The following JAK2 variants were observed in gnomAD, a reference collection of about 807,000 sequenced individuals.
The protein encoded by JAK2 is Janus kinase 2.
A neutral mutation model predicts 139.3 loss-of-function variants in JAK2; 86 were observed. The ratio of observed to expected loss-of-function variants is 0.62; its 90% CI spans 0.52 to 0.74. The LOEUF is 0.74. Ranked by LOEUF, JAK2 falls within the 30% of genes least tolerant of loss-of-function variation. JAK2 has a pLI of 0.00. For missense variants in JAK2, 1,421 were observed against 1,360.3 expected, an observed-to-expected ratio of 1.04 and a Z score of -0.70; for synonymous variants, 490 against 437.7, an observed-to-expected ratio of 1.12 and a Z score of -1.49.
intron 18 of JAK2, 151 bp downstream of exon 18, chr9:5,080,834 A>G: frequency 2.1e-6 from 1 of 468,306 alleles, no homozygotes; most frequent in Admixed American, 3.6e-5. Context: ...TTCATGCTTT[A>G]TACATATTCT....
intron 22 of JAK2, chr9:5,111,399 G>T: frequency 1.7e-5 from 7 of 403,472 alleles, no homozygotes; most frequent in Non-Finnish European, 3.3e-5. Context: ...GAGGCGGACA[G>T]CGGCCTGGAC....
intron 22 of JAK2, among the ~76,000 whole-genome samples, chr9:5,103,203 T>C (rs981662001): frequency 2.5e-3 from 134 of 53,558 alleles, no homozygotes; most frequent in African/African-American, 8.7e-3. Context: ...GAGGAAGATC[T>C]ACCAAGCAAA....
Position 5,054,431 on chromosome 9 carries a change from AC to A in JAK2, c.615-131del, listed in dbSNP as rs1817624743. On this transcript the variant is annotated intron_variant, in intron 6 of 24. Transcript: ENST00000381652. This position sits in a 1 kb window ranked among gnomAD's most constrained non-coding sequence, Gnocchi z 4.9. ...GTATGGATGGGGGTTATGTCAACTT[AC>A]GCCACTTGGCCACTGTGTTGTAAGG... 1 of 668,766 alleles carries A rather than the reference AC, an allele frequency of 1.5e-6. No individual in the cohort carries two copies. Among genetic ancestry groups the A allele is most frequent in the Non-Finnish European group, 2.6e-6 (1 of 388,180 alleles). 41.4% of individuals were successfully genotyped at this position (668,766 alleles called of 1,614,324 possible).
intron 4 of JAK2, among the ~76,000 whole-genome samples, chr9:5,038,107 G>T (rs1816201717): frequency 6.6e-6 from 1 of 152,016 alleles, no homozygotes; most frequent in Admixed American, 6.6e-5. Context: ...TTAATGATTT[G>T]TTCTTCTTTT....
intron 2 of JAK2, among the ~76,000 whole-genome samples, chr9:4,988,761 C>T (rs7849191): frequency 0.5 from 75,532 of 151,964 alleles, 21,050 homozygotes; most frequent in African/African-American, 0.77. Flanking sequence ...TCTGCTTCTA[C>T]TTCTGTTCAT....
At chr9:5,035,597 G>A (rs1237175710) in intron 4 of JAK2, among the ~76,000 whole-genome samples, 4 of 152,104 alleles carry the variant, frequency 2.6e-5, no homozygotes, top group African/African-American at 4.8e-5. Flanking sequence ...ATCAATAAAC[G>A]TAATCCAGCA....
At chr9:5,109,777 A>T (rs1411812496) in intron 22 of JAK2, 1 of 152,212 alleles carries the variant, frequency 6.6e-6, no homozygotes, top group Non-Finnish European at 1.5e-5. Context: ...TACCTGTAGA[A>T]TTCTCAATAT....
chr9:5,102,188 G>A (rs182765910), intron 22 of JAK2, among the ~76,000 whole-genome samples: 290 of 152,250 alleles, frequency 1.9e-3, no homozygotes, highest in Non-Finnish European at 1.6e-3. Context: ...GTGTAGAGAA[G>A]ACCTTAAATG....
At chr9:5,044,351 G>T (rs957581090) in intron 4 of JAK2, 52 bp from the exon 5 acceptor site, 3 of 1,109,974 alleles carry the variant, frequency 2.7e-6, no homozygotes, top group South Asian at 2.5e-5. Context: ...TAGATAGTAC[G>T]TTTGTATTTG....
chr9:5,040,278 C>A (rs1005170155), intron 4 of JAK2, among the ~76,000 whole-genome samples: 2 of 150,124 alleles, frequency 1.3e-5, no homozygotes, highest in African/African-American at 5.0e-5. Context: ...AGACAATCTA[C>A]TTCACACTAT....
At position 5,078,299 on chromosome 9, in the gene JAK2, C is replaced by G. The variant is rs2130589453; in HGVS notation, c.1993-7C>G. On this transcript the variant is annotated splice_region_variant and splice_polypyrimidine_tract_variant and intron_variant, in intron 15 of 24. Coordinates refer to ENST00000381652, the MANE Select transcript of JAK2 (RefSeq NM_004972.4). Reference sequence around the variant, plus strand: ...TATTTGAATATATGTGCGTTTAACTCTAATAGGAAGAAAACACCCTTATTC... The same window carrying G: ...TATTTGAATATATGTGCGTTTAACTGTAATAGGAAGAAAACACCCTTATTC... The G allele has an allele frequency of 6.2e-7, 1 of 1,608,944 alleles. No homozygotes were observed. Among genetic ancestry groups the G allele is most frequent in the Non-Finnish European group, 8.5e-7 (1 of 1,176,636 alleles).
chr9:5,109,912 T>A (rs1822302916), intron 22 of JAK2: 1 of 152,190 alleles, frequency 6.6e-6, no homozygotes, highest in African/African-American at 2.4e-5. Context: ...ATAGGAATCA[T>A]GTCTTTCTTA....
At chr9:4,995,515 T>C (rs1284280174) in intron 2 of JAK2, among the ~76,000 whole-genome samples, 3 of 152,354 alleles carry the variant, frequency 2.0e-5, no homozygotes, top group Non-Finnish European at 4.4e-5. Context: ...AGATAATCCT[T>C]CTTTTCTCTG....
Position 5,089,799 on chromosome 9 carries a change from T to A in JAK2, c.2697T>A (p.Ile899=), listed in dbSNP as rs1563993598. 1 of 1,597,220 alleles carries A rather than the reference T, an allele frequency of 6.3e-7. No homozygotes were observed. Among genetic ancestry groups the A allele is most frequent in the Admixed American group, 1.7e-5 (1 of 57,772 alleles). The change falls in exon 20 of 25, where the codon ATT becomes ATA. Residue 899 remains isoleucine, a synonymous_variant. Transcript: ENST00000381652. ...EEHLRDFERE[I]EILKSLQHDN... ...ACCTAAGAGACTTTGAAAGGGAAATTGAAATCCTGAAATCCCTACAGCATG... is the reference window on the plus strand; with the variant it reads ...ACCTAAGAGACTTTGAAAGGGAAATAGAAATCCTGAAATCCCTACAGCATG...
chr9:4,997,719 A>G (rs1212398221), intron 2 of JAK2, among the ~76,000 whole-genome samples: 2 of 152,226 alleles, frequency 1.3e-5, no homozygotes, highest in Non-Finnish European at 2.9e-5. Context: ...AAGGTTTGAT[A>G]TGGAAAGATT....
chr9:5,091,332 A>G (rs1453136021), intron 22 of JAK2: 1 of 153,772 alleles, frequency 6.5e-6, no homozygotes, highest in Non-Finnish European at 1.5e-5. Flanking sequence ...AGTATCCTGA[A>G]ACATGAGGGC....
chr9:5,010,664 A>G (rs1485434103), intron 2 of JAK2, among the ~76,000 whole-genome samples: 1 of 152,198 alleles, frequency 6.6e-6, no homozygotes, highest in African/African-American at 2.4e-5. Flanking sequence ...GAAGAATAAT[A>G]TTATAATTAA....
intron 2 of JAK2, among the ~76,000 whole-genome samples, chr9:5,007,725 C>CT (rs113969875): frequency 9.4e-4 from 136 of 144,556 alleles, no homozygotes; most frequent in Middle Eastern, 3.7e-3. Context: ...ATTATATTGT[C>CT]TTTTTTTTTT....
At chr9:5,010,386 A>G (rs916714586) in intron 2 of JAK2, among the ~76,000 whole-genome samples, 5 of 150,544 alleles carry the variant, frequency 3.3e-5, no homozygotes, top group Non-Finnish European at 7.4e-5. Context: ...TGCAGTAAAC[A>G]TGACCTCCGT....
Sources: gnomAD v4.1 joint callset for allele counts (sites outside exome capture counted in the v4.1 genomes callset) on GRCh38, gnomAD v4.1.1 for gene constraint, Gnocchi (gnomAD v3.1) non-coding constraint, MANE v1.5 for transcripts, NCBI Gene and HGNC (gene_info 2026-07-23, HGNC 2026-07-21) for gene names.